The following PTP4A3 variants were observed in gnomAD, a reference collection of about 807,000 sequenced individuals.
PTP4A3 encodes the protein protein tyrosine phosphatase type IVA 3.
Under a neutral mutation model 15.2 loss-of-function variants are expected in PTP4A3, and 9 were observed. The observed-to-expected ratio is 0.59, with a 90% confidence interval of 0.36 to 1.03. The LOEUF (loss-of-function observed/expected upper bound fraction) is 1.03. Ranked by LOEUF, PTP4A3 falls within the 50% of genes least tolerant of loss-of-function variation. The pLI, the probability that PTP4A3 is intolerant of heterozygous loss-of-function variation, is 0.02. For missense variants in PTP4A3, 234 were observed against 252.1 expected, an observed-to-expected ratio of 0.93 and a Z score of 0.49; for synonymous variants, 95 against 102.0, an observed-to-expected ratio of 0.93 and a Z score of 0.41.
chr8:141,427,861 T>C, intron 5 of PTP4A3, 37 bp downstream of exon 5: 1 of 1,526,506 alleles, frequency 6.6e-7, no homozygotes, highest in Non-Finnish European at 8.9e-7. Context: ...CTGTGAGCGC[T>C]GGGGGAGGGG....
At position 141,422,118 on chromosome 8, in the gene PTP4A3, C is replaced by G; in HGVS notation, c.-123C>G. On this transcript the variant is annotated 5_prime_UTR_variant, in exon 2 of 6. Transcript: ENST00000521578. Reference sequence around the variant, plus strand: ...GGGGGTGGGTTTTTAAATCTCGTTTCTCTTGGACAAGCACAGGGATCTCGT... The same window carrying G: ...GGGGGTGGGTTTTTAAATCTCGTTTGTCTTGGACAAGCACAGGGATCTCGT... The G allele has an allele frequency of 1.1e-6, 1 of 930,260 alleles. No homozygotes were observed. The highest frequency in any genetic ancestry group is 1.7e-6 in the Non-Finnish European group (1 of 598,994). The allele number at this position is 930,260 out of a possible 1,614,324, so 57.6% of individuals were successfully genotyped here.
chr8:141,426,619 G>C, intron 3 of PTP4A3: 1 of 985,432 alleles, frequency 1.0e-6, no homozygotes. Flanking sequence ...ACCAGAGCTC[G>C]GGCTGACAGG....
chr8:141,425,098 C>T lies in PTP4A3; in HGVS notation c.156C>T (p.Thr52=). The change falls in exon 3 of 6, where the codon ACC becomes ACT. Residue 52 remains threonine (T), a synonymous_variant. Transcript: ENST00000521578. The surrounding 1 kb of genome is among the most constrained non-coding windows in gnomAD (Gnocchi z 4.2). ...ATTVVRVCEV[T]YDKTPLEKDG... is the part of the protein sequence containing the mutation. ...CTGTGGTGCGTGTGTGTGAAGTGACCTATGACAAAACGCCGCTGGAGAAGG... is the reference window on the plus strand; with the variant it reads ...CTGTGGTGCGTGTGTGTGAAGTGACTTATGACAAAACGCCGCTGGAGAAGG... The T allele has an allele frequency of 3.7e-6, 6 of 1,609,732 alleles. No individual in the cohort carries two copies. The highest frequency in any genetic ancestry group is 5.1e-6 in the Non-Finnish European group (6 of 1,177,690).
Position 141,431,188 on chromosome 8 carries a change from C to T in PTP4A3, c.*144C>T, listed in dbSNP as rs1425641282. 1.3e-6 allele frequency: 1 copy of T among 750,938 alleles called. No individual in the cohort carries two copies. Among genetic ancestry groups the T allele is most frequent in the Admixed American group, 2.5e-5 (1 of 40,734 alleles). 46.5% of individuals were successfully genotyped at this position (750,938 alleles called of 1,614,324 possible). A position where few individuals can be genotyped will look rare whatever the true frequency, so the allele number is the denominator to read the frequency against. Reference sequence around the variant, plus strand: ...CATCGCCTTTTCCTCCCCGACACCTCCGTGCACTTGTGTCCGAGGAGCGAG... The same window carrying T: ...CATCGCCTTTTCCTCCCCGACACCTTCGTGCACTTGTGTCCGAGGAGCGAG... On this transcript the variant is annotated 3_prime_UTR_variant, in exon 6 of 6. Transcript: ENST00000521578.
intron 1 of PTP4A3, among the ~76,000 whole-genome samples, chr8:141,400,194 A>G (rs1439326496): frequency 2.0e-5 from 3 of 151,938 alleles, no homozygotes; most frequent in African/African-American, 7.3e-5. Flanking sequence ...CGCCCGGCCC[A>G]CCACTGTGCC....
chr8:141,400,309 G>A (rs1401501995), intron 1 of PTP4A3, among the ~76,000 whole-genome samples: 1 of 117,378 alleles, frequency 8.5e-6, no homozygotes. Context: ...ACTGTGCCAG[G>A]CGCAAACGTG....
chr8:141,428,964 C>T (rs55781301), intron 5 of PTP4A3, among the ~76,000 whole-genome samples: 23,987 of 152,258 alleles, frequency 0.16, 1,985 homozygotes, highest in Middle Eastern at 0.19. Context: ...GGGTTCTCTC[C>T]CCACCCCACG....
At chr8:141,396,278 G>A (rs1306375695) in intron 1 of PTP4A3, among the ~76,000 whole-genome samples, 1 of 152,208 alleles carries the variant, frequency 6.6e-6, no homozygotes, top group Admixed American at 6.5e-5. Context: ...TCATATTACC[G>A]TCCTGCCCTA....
chr8:141,428,946 C>A (rs1833714658), intron 5 of PTP4A3, among the ~76,000 whole-genome samples: 1 of 152,232 alleles, frequency 6.6e-6, no homozygotes, highest in Non-Finnish European at 1.5e-5. Context: ...CGGGTGCACA[C>A]CTTCCCCGGG....
chr8:141,394,987 A>AG (rs1217888378), intron 1 of PTP4A3, among the ~76,000 whole-genome samples: 1 of 152,122 alleles, frequency 6.6e-6, no homozygotes, highest in Non-Finnish European at 1.5e-5. Flanking sequence ...CCCTGGAGAG[A>AG]GGGGGGCCTC....
chr8:141,426,634 G>A (rs1395355013), intron 3 of PTP4A3: 1 of 985,322 alleles, frequency 1.0e-6, no homozygotes, highest in Non-Finnish European at 1.2e-6. Context: ...GACAGGTGTG[G>A]GGATTAGGAT....
In PTP4A3 at chr8:141,406,895, G is replaced by A. The variant is rs1173039023; in HGVS notation, c.-853-14493G>A. Among the ~76,000 whole-genome samples, 1 of 152,200 alleles carries A rather than the reference G, an allele frequency of 6.6e-6. No individual in the cohort carries two copies. Among genetic ancestry groups the A allele is most frequent in the East Asian group, 1.9e-4 (1 of 5,198 alleles). On this transcript the variant is annotated intron_variant, in intron 1 of 5. Transcript: ENST00000521578. This position sits in a 1 kb window ranked among gnomAD's most constrained non-coding sequence, Gnocchi z 4.5. ...CCACTGTATGTGCAAGGTCATGCAG[G>A]TTATGCTTTGAACTTCCAAAAATGC...
chr8:141,403,648 A>G (rs1832651940), intron 1 of PTP4A3, among the ~76,000 whole-genome samples: 1 of 152,236 alleles, frequency 6.6e-6, no homozygotes, highest in African/African-American at 2.4e-5. Flanking sequence ...AAACACTTCT[A>G]ACATTAAACA....
chr8:141,412,052 C>T (rs1832884456), intron 1 of PTP4A3, among the ~76,000 whole-genome samples: 1 of 152,238 alleles, frequency 6.6e-6, no homozygotes, highest in Non-Finnish European at 1.5e-5. Context: ...GAGGCCACTA[C>T]ACAGAGGGGT....
intron 4 of PTP4A3, among the ~76,000 whole-genome samples, chr8:141,427,381 G>A (rs990291686): frequency 6.6e-6 from 1 of 152,242 alleles, no homozygotes; most frequent in Non-Finnish European, 1.5e-5. Context: ...CAGACTCCCT[G>A]CTGGGAGAAC....
chr8:141,405,841 C>T (rs947303962), intron 1 of PTP4A3, among the ~76,000 whole-genome samples: 15 of 151,780 alleles, frequency 9.9e-5, no homozygotes, highest in Admixed American at 7.2e-4. Context: ...CAGCACCGGA[C>T]GATGTGGGGA....
chr8:141,399,514 T>C (rs1832533773), intron 1 of PTP4A3, among the ~76,000 whole-genome samples: 1 of 152,208 alleles, frequency 6.6e-6, no homozygotes, highest in Non-Finnish European at 1.5e-5. Flanking sequence ...CTACAAGGCC[T>C]GGCCCTGGCT....
intron 1 of PTP4A3, among the ~76,000 whole-genome samples, chr8:141,411,367 C>T (rs1832863904): frequency 6.6e-6 from 1 of 152,216 alleles, no homozygotes; most frequent in African/African-American, 2.4e-5. Context: ...GCACTGGTCC[C>T]CCCAGTAGGA....
Position 141,406,351 on chromosome 8 carries a change from C to T in PTP4A3, c.-854+14267C>T, listed in dbSNP as rs922443194. ...TGGGGATTGTGGAGGCCTGTCCGTG[C>T]CCTGAAGCACTTCTGAGAAGCCGGG... On this transcript the variant is annotated intron_variant, in intron 1 of 5. Coordinates refer to ENST00000521578, the MANE Select transcript of PTP4A3 (RefSeq NM_032611.3). This position sits in a 1 kb window ranked among gnomAD's most constrained non-coding sequence, Gnocchi z 4.5. Among the ~76,000 whole-genome samples, 3 of 152,104 alleles carry T rather than the reference C, an allele frequency of 2.0e-5. No individual in the cohort carries two copies. Among genetic ancestry groups the T allele is most frequent in the African/African-American group, 4.8e-5 (2 of 41,408 alleles).
Sources: allele counts gnomAD v4.1 joint callset (sites outside exome capture counted in the v4.1 genomes callset), GRCh38; gene constraint gnomAD v4.1.1; non-coding constraint Gnocchi (gnomAD v3.1); transcripts MANE v1.5; gene names NCBI Gene and HGNC (gene_info 2026-07-23, HGNC 2026-07-21).